Variants in GRM8 observed in about 807,000 individuals in gnomAD.
GRM8 encodes glutamate metabotropic receptor 8.
Under a neutral mutation model 87.2 loss-of-function variants are expected in GRM8, and 47 were observed. That is an observed-to-expected ratio of 0.54 (90% confidence interval 0.43 to 0.69). The LOEUF is 0.69. Ranked by LOEUF, GRM8 falls within the 30% of genes least tolerant of loss-of-function variation. The pLI is 0.00. For missense variants in GRM8, 1,019 were observed against 1,139.2 expected, an observed-to-expected ratio of 0.89 and a Z score of 1.52; for synonymous variants, 396 against 404.5, an observed-to-expected ratio of 0.98 and a Z score of 0.25.
intron 3 of GRM8, among the ~76,000 whole-genome samples, chr7:126,975,808 T>C (rs1369738412): frequency 1.3e-5 from 2 of 152,254 alleles, no homozygotes; most frequent in African/African-American, 4.8e-5. Context: ...ATTCTAAGAA[T>C]GTAAATCTCT....
intron 3 of GRM8, among the ~76,000 whole-genome samples, chr7:127,076,786 C>T (rs917493453): frequency 8.5e-5 from 13 of 152,178 alleles, no homozygotes; most frequent in African/African-American, 3.1e-4. Flanking sequence ...ACTCTATAAA[C>T]AAATGCCCTT....
chr7:126,781,332 T>G (rs926510255), intron 6 of GRM8, among the ~76,000 whole-genome samples: 5 of 152,218 alleles, frequency 3.3e-5, no homozygotes, highest in East Asian at 1.9e-4. Context: ...GTTCCAACAC[T>G]GCGTTATCAT....
chr7:126,948,321 C>A (rs968171071), intron 3 of GRM8, among the ~76,000 whole-genome samples: 7 of 151,070 alleles, frequency 4.6e-5, no homozygotes, highest in Non-Finnish European at 8.8e-5. Context: ...TTTTGAGGCA[C>A]ACAATACATA....
rs367623635 is a variant in GRM8, at chr7:126,533,407, T to C, written c.1975A>G (p.Met659Val). The C allele has an allele frequency of 4.7e-5, 76 of 1,613,880 alleles. No individual in the cohort carries two copies. In the Middle Eastern group the frequency reaches 8.2e-4, roughly 17 times the overall value. ...AGAAGGGCTGCATAGCTGAAACACA[T>C]GCCAAGTCCTAGGAAGACCCGTCGG... ...SFRRVFLGLGMCFSYAALLTK... is the reference protein window; with the variant it reads ...SFRRVFLGLGVCFSYAALLTK... Residue 659 changes from methionine (M) to valine (V), a missense_variant, in exon 9 of 11, where the codon ATG becomes GTG. Met to Val is a conservative substitution (Grantham distance 21). Transcript: ENST00000339582.
chr7:126,987,332 T>G (rs886595659), intron 3 of GRM8, among the ~76,000 whole-genome samples: 3 of 152,200 alleles, frequency 2.0e-5, no homozygotes, highest in East Asian at 1.9e-4. Context: ...CTAGCTCATG[T>G]ACCTCCTGCT....
intron 3 of GRM8, chr7:127,090,968 G>A (rs17869595): frequency 0.086 from 13,152 of 152,220 alleles, 1,884 homozygotes; most frequent in African/African-American, 0.3. Flanking sequence ...TCTAGACAGT[G>A]CAGCTACAGT....
intron 3 of GRM8, among the ~76,000 whole-genome samples, chr7:126,915,261 A>T (rs567112007): frequency 6.6e-6 from 1 of 152,220 alleles, no homozygotes; most frequent in East Asian, 1.9e-4. Context: ...TCTGTCCCTC[A>T]TCTGAAGATT....
intron 3 of GRM8, among the ~76,000 whole-genome samples, chr7:126,916,342 T>C (rs1586445161): frequency 6.6e-6 from 1 of 152,120 alleles, no homozygotes; most frequent in African/African-American, 2.4e-5. Context: ...GTGTGACAAA[T>C]ACGTGAATAA....
At chr7:126,860,335 C>T (rs894232271) in intron 6 of GRM8, among the ~76,000 whole-genome samples, 1 of 152,058 alleles carries the variant, frequency 6.6e-6, no homozygotes, top group Non-Finnish European at 1.5e-5. Flanking sequence ...CTTCCTATTC[C>T]TTAATCTAAC....
intron 8 of GRM8, among the ~76,000 whole-genome samples, chr7:126,546,688 T>A (rs1817195608): frequency 6.6e-6 from 1 of 152,170 alleles, no homozygotes; most frequent in Non-Finnish European, 1.5e-5. Flanking sequence ...ACACTTAGAA[T>A]AAGGTAAATG....
chr7:127,008,524 T>C (rs532574638), intron 3 of GRM8, among the ~76,000 whole-genome samples: 2 of 152,258 alleles, frequency 1.3e-5, no homozygotes, highest in South Asian at 4.1e-4. Flanking sequence ...TGTGCTGTTC[T>C]CTAAATTATT....
rs17866263 is a variant in GRM8 at position 127,203,926 on chromosome 7, T to G, written c.510+38769A>C. Among the ~76,000 whole-genome samples the G allele has an allele frequency of 7.6e-3, 1,152 of 152,248 alleles. 15 individuals are homozygous for G. Among genetic ancestry groups the G allele is most frequent in the African/African-American group, 0.026 (1,089 of 41,546 alleles). Reference sequence around the variant, plus strand: ...TAAATGCCTGCATTGTAGAACTTCTTAAATGTTATTTTCATAAAGTTATAT... The same window carrying G: ...TAAATGCCTGCATTGTAGAACTTCTGAAATGTTATTTTCATAAAGTTATAT... On this transcript the variant is annotated intron_variant, in intron 2 of 10. Transcript: ENST00000339582.
chr7:126,653,300 C>CAAAAAAAAA (rs35546815), intron 7 of GRM8, among the ~76,000 whole-genome samples: 6 of 109,014 alleles, frequency 5.5e-5, no homozygotes, highest in Admixed American at 1.0e-4. Flanking sequence ...ATCCTGTCTC[C>CAAAAAAAAA]AAAAAAAAAA....
chr7:126,989,991 C>T (rs1003582730), intron 3 of GRM8, among the ~76,000 whole-genome samples: 4 of 152,016 alleles, frequency 2.6e-5, no homozygotes, highest in Middle Eastern at 3.4e-3. Flanking sequence ...AAAAGCACCC[C>T]GAAGCCCTCG....
chr7:126,609,718 T>A (rs1318001085), intron 7 of GRM8, among the ~76,000 whole-genome samples: 1 of 152,150 alleles, frequency 6.6e-6, no homozygotes, highest in Non-Finnish European at 1.5e-5. Flanking sequence ...ATTGTACATA[T>A]TAGAAAGTAA....
chr7:127,081,142 C>A (rs147053396), intron 3 of GRM8, among the ~76,000 whole-genome samples: 2 of 152,124 alleles, frequency 1.3e-5, no homozygotes, highest in African/African-American at 4.8e-5. Context: ...TAGAATAGCA[C>A]GAAAGGTCCT....
chr7:126,621,959 C>T (rs1301248880), intron 7 of GRM8, among the ~76,000 whole-genome samples: 1 of 152,158 alleles, frequency 6.6e-6, no homozygotes, highest in East Asian at 1.9e-4. Flanking sequence ...TATTCCTAGA[C>T]ATGTTCTATG....
chr7:126,977,800 G>A (rs563074632), intron 3 of GRM8, among the ~76,000 whole-genome samples: 7 of 152,136 alleles, frequency 4.6e-5, no homozygotes, highest in Non-Finnish European at 7.4e-5. Context: ...AAAATAGAGC[G>A]GACATCATAA....
At chr7:126,450,495 G>A (rs1346408949) in intron 9 of GRM8, among the ~76,000 whole-genome samples, 1 of 151,860 alleles carries the variant, frequency 6.6e-6, no homozygotes, top group African/African-American at 2.4e-5. Context: ...CTGACAGCCT[G>A]TATTTCTCTG....
Sources: allele counts gnomAD v4.1 joint callset (sites outside exome capture counted in the v4.1 genomes callset), GRCh38; gene constraint gnomAD v4.1.1; transcripts MANE v1.5; gene names NCBI Gene and HGNC (gene_info 2026-07-23, HGNC 2026-07-21).